Variants in OPCML observed in about 807,000 individuals in gnomAD.
OPCML encodes the protein opioid-binding protein/cell adhesion molecule.
OPCML carries 13 observed loss-of-function variants against 37.8 expected under a neutral mutation model. The ratio of observed to expected loss-of-function variants is 0.34; its 90% CI spans 0.22 to 0.55. OPCML has a LOEUF of 0.55. OPCML is among the 20% of genes least tolerant of loss of function. OPCML has a pLI of 0.91. For synonymous variants in OPCML, 176 were observed against 168.8 expected, an observed-to-expected ratio of 1.04 and a Z score of -0.33; for missense variants, 341 against 435.6, an observed-to-expected ratio of 0.78 and a Z score of 1.93.
chr11:132,490,641 A>T (rs1037554339), intron 4 of OPCML, among the ~76,000 whole-genome samples: 1 of 151,758 alleles, frequency 6.6e-6, no homozygotes, highest in African/African-American at 2.4e-5. Context: ...ACACAGTGAA[A>T]CCCCGTCTCT....
chr11:132,439,341 T>C (rs586298), intron 4 of OPCML, among the ~76,000 whole-genome samples: 152,315 of 152,320 alleles, frequency 1, 76,155 homozygotes, highest in Middle Eastern at 1. Flanking sequence ...AGCCACCAGA[T>C]GGGAACTTAG....
Position 133,237,659 on chromosome 11 carries a change from C to T in OPCML, c.61+294605G>A, listed in dbSNP as rs552259873. Among the ~76,000 whole-genome samples the T allele has an allele frequency of 1.1e-4, 17 of 152,288 alleles. No homozygotes were observed. The South Asian group carries it at 3.5e-3, about 32-fold the overall frequency. On this transcript the variant is annotated intron_variant, in intron 1 of 7. Transcript: ENST00000524381. ...AAGAGGTAATTGAAGGGATGAGGGG[C>T]TTGCAGAAATAATTCCCCTTCATCC... is the stretch of plus-strand genomic sequence containing the variant.
chr11:132,937,600 GTGTGTGT>G (rs1565353475), intron 2 of OPCML, among the ~76,000 whole-genome samples: 4 of 35,878 alleles, frequency 1.1e-4, no homozygotes, highest in African/African-American at 3.4e-4. Flanking sequence ...TGTGGGGTGT[GTGTGTGT>G]GTGTGTGTGT....
At chr11:133,019,506 C>T (rs1393376516) in intron 1 of OPCML, among the ~76,000 whole-genome samples, 1 of 152,204 alleles carries the variant, frequency 6.6e-6, no homozygotes, top group African/African-American at 2.4e-5. Flanking sequence ...AGACCACAAT[C>T]AATTATCATG....
intron 3 of OPCML, among the ~76,000 whole-genome samples, chr11:132,625,681 TCCAAAA>T (rs1939697793): frequency 6.6e-6 from 1 of 152,088 alleles, no homozygotes; most frequent in South Asian, 2.1e-4. Flanking sequence ...TATTTCTGTC[TCCAAAA>T]CCAGACCATG....
intron 1 of OPCML, among the ~76,000 whole-genome samples, chr11:133,359,340 T>G (rs1212189142): frequency 6.6e-6 from 1 of 152,206 alleles, no homozygotes; most frequent in Admixed American, 6.5e-5. Flanking sequence ...TTTCCATTCT[T>G]TTTTGTAATT....
intron 1 of OPCML, among the ~76,000 whole-genome samples, chr11:133,077,668 G>A (rs1286799444): frequency 1.3e-5 from 2 of 152,098 alleles, no homozygotes; most frequent in South Asian, 4.2e-4. Context: ...TCAACTCATT[G>A]GGAGAAGACA....
At chr11:132,792,330 A>C (rs1937971393) in intron 2 of OPCML, among the ~76,000 whole-genome samples, 2 of 152,232 alleles carry the variant, frequency 1.3e-5, no homozygotes, top group Non-Finnish European at 2.9e-5. Flanking sequence ...AATTCAGAGA[A>C]TTAAAATACA....
At chr11:133,522,847 C>T (rs1354521807) in intron 1 of OPCML, among the ~76,000 whole-genome samples, 1 of 152,134 alleles carries the variant, frequency 6.6e-6, no homozygotes, top group East Asian at 1.9e-4. Flanking sequence ...TTCCAAGGAC[C>T]TTTCACTTTT....
intron 1 of OPCML, among the ~76,000 whole-genome samples, chr11:132,947,646 A>T (rs1018280804): frequency 1.3e-5 from 2 of 152,216 alleles, no homozygotes; most frequent in African/African-American, 4.8e-5. Flanking sequence ...GAAATTAGAA[A>T]CAGAAAATGA....
intron 2 of OPCML, among the ~76,000 whole-genome samples, chr11:132,711,642 C>A (rs953158928): frequency 6.6e-6 from 1 of 152,060 alleles, no homozygotes. Flanking sequence ...CCACATAGAA[C>A]CATTGCGTGT....
intron 4 of OPCML, among the ~76,000 whole-genome samples, chr11:132,517,356 T>C (rs2096282308): frequency 6.6e-6 from 1 of 152,148 alleles, no homozygotes. Flanking sequence ...CAGAGGTCTT[T>C]CAAATGTACT....
intron 2 of OPCML, among the ~76,000 whole-genome samples, chr11:132,823,100 T>C (rs1287662022): frequency 2.0e-5 from 3 of 152,206 alleles, no homozygotes; most frequent in African/African-American, 7.2e-5. Flanking sequence ...AAAGAATACC[T>C]TACCTTACTT....
intron 3 of OPCML, among the ~76,000 whole-genome samples, chr11:132,549,586 A>G (rs1281653953): frequency 1.3e-5 from 2 of 152,174 alleles, no homozygotes; most frequent in Non-Finnish European, 2.9e-5. Flanking sequence ...TTTTTCATGA[A>G]AAGCAGCCCC....
At chr11:132,937,027 A>G (rs1353747047) in intron 2 of OPCML, among the ~76,000 whole-genome samples, 2 of 152,188 alleles carry the variant, frequency 1.3e-5, no homozygotes, top group Non-Finnish European at 2.9e-5. Flanking sequence ...TGTCAGCCCT[A>G]AAGATATCTT....
At chr11:132,705,949 A>C (rs927618471) in intron 2 of OPCML, among the ~76,000 whole-genome samples, 6 of 152,220 alleles carry the variant, frequency 3.9e-5, no homozygotes, top group African/African-American at 1.4e-4. Flanking sequence ...CTGGGATTAC[A>C]GGCATGCACC....
At chr11:133,297,641 G>A (rs1001065989) in intron 1 of OPCML, 1 of 152,194 alleles carries the variant, frequency 6.6e-6, no homozygotes, top group African/African-American at 2.4e-5. Context: ...AGATTACATA[G>A]TATTTATCCC....
chr11:133,373,501 T>G (rs1944729583), intron 1 of OPCML, among the ~76,000 whole-genome samples: 1 of 148,170 alleles, frequency 6.7e-6, no homozygotes, highest in African/African-American at 2.5e-5. Flanking sequence ...GGTACACTCC[T>G]GTAGTCTCAA....
At chr11:132,617,796 A>G (rs1379874987) in intron 3 of OPCML, among the ~76,000 whole-genome samples, 6 of 152,212 alleles carry the variant, frequency 3.9e-5, no homozygotes, top group Non-Finnish European at 8.8e-5. Flanking sequence ...CACTGACATC[A>G]TTCCTCTTCT....
Sources: allele counts gnomAD v4.1 joint callset (sites outside exome capture counted in the v4.1 genomes callset), GRCh38; gene constraint gnomAD v4.1.1; transcripts MANE v1.5; gene names NCBI Gene and HGNC (gene_info 2026-07-23, HGNC 2026-07-21).